Variants in BICC1 observed in about 807,000 individuals in gnomAD.
BICC1 encodes protein bicaudal C homolog 1.
BICC1 carries 43 observed loss-of-function variants against 111.0 expected under a neutral mutation model. The ratio of observed to expected loss-of-function variants is 0.39; its 90% CI spans 0.30 to 0.50. The LOEUF (loss-of-function observed/expected upper bound fraction) is 0.50. Among genes scored for constraint, BICC1 ranks in the 20% least tolerant of loss-of-function variants. The probability of loss-of-function intolerance (pLI) is 0.88; values close to 1 mark genes in which losing one functional copy is unlikely to be tolerated. For synonymous variants in BICC1, 467 were observed against 434.4 expected (o/e 1.07, Z -0.93); for missense variants, 1,091 against 1,203.2 (o/e 0.91, Z 1.38).
At chr10:58,709,803 T>G (rs1840516796) in intron 3 of BICC1, among the ~76,000 whole-genome samples, 1 of 152,208 alleles carries the variant, frequency 6.6e-6, no homozygotes, top group African/African-American at 2.4e-5. Context: ...TGAATAGTCC[T>G]AATGATGACT....
At position 58,790,430 on chromosome 10, in the gene BICC1, C is replaced by T. The variant is rs142256216; in HGVS notation, c.1047+497C>T. On this transcript the variant is annotated intron_variant, in intron 8 of 20. Transcript: ENST00000373886. ...ATACTATTTAAGTCACAAATTCGAG[C>T]GTCACTTATTGAAGGAAGAAAAGCA... Among the ~76,000 whole-genome samples the T allele has an allele frequency of 2.2e-4, 33 of 152,240 alleles. No individual in the cohort carries two copies. The East Asian group carries it at 4.4e-3, about 20-fold the overall frequency.
chr10:58,823,696 A>G, intron 20 of BICC1: 1 of 985,274 alleles, frequency 1.0e-6, no homozygotes, highest in Non-Finnish European at 1.2e-6. Flanking sequence ...CTTTGCTGTA[A>G]AGTGGGAATG....
intron 1 of BICC1, among the ~76,000 whole-genome samples, chr10:58,513,670 G>A (rs7078900): frequency 0.5 from 76,525 of 152,100 alleles, 19,612 homozygotes; most frequent in African/African-American, 0.58. Context: ...GTGCCATCCG[G>A]ACCACTCGGG....
At chr10:58,626,034 T>G (rs183376860) in intron 2 of BICC1, among the ~76,000 whole-genome samples, 1 of 152,358 alleles carries the variant, frequency 6.6e-6, no homozygotes, top group East Asian at 1.9e-4. Context: ...TTAATTTAAA[T>G]AAGATCCAGA....
At chr10:58,715,250 T>G (rs777864922) in intron 3 of BICC1, among the ~76,000 whole-genome samples, 10 of 152,184 alleles carry the variant, frequency 6.6e-5, no homozygotes, top group Admixed American at 6.5e-5. Flanking sequence ...AGGAGTTACA[T>G]TCCCTTTATA....
chr10:58,756,333 T>C (rs1304288229), intron 3 of BICC1, among the ~76,000 whole-genome samples: 1 of 152,150 alleles, frequency 6.6e-6, no homozygotes, highest in Non-Finnish European at 1.5e-5. Context: ...CTGTGTGAAA[T>C]GAAACTCGCT....
chr10:58,761,872 GCAA>G (rs1165409846), intron 3 of BICC1, among the ~76,000 whole-genome samples: 2 of 152,012 alleles, frequency 1.3e-5, no homozygotes, highest in Non-Finnish European at 2.9e-5. Context: ...ATGAATAAAA[GCAA>G]CCACTTGCAT....
intron 3 of BICC1, among the ~76,000 whole-genome samples, chr10:58,759,510 C>T (rs1372996117): frequency 6.6e-6 from 1 of 152,024 alleles, no homozygotes; most frequent in Non-Finnish European, 1.5e-5. Flanking sequence ...TGGCATAAAA[C>T]ATTCTTTACT....
At chr10:58,565,917 A>G (rs1386292902) in intron 1 of BICC1, among the ~76,000 whole-genome samples, 1 of 152,130 alleles carries the variant, frequency 6.6e-6, no homozygotes, top group East Asian at 1.9e-4. Flanking sequence ...CACCTTACCC[A>G]AGCACTGCAC....
chr10:58,594,036 C>T (rs1047868924), intron 1 of BICC1, among the ~76,000 whole-genome samples: 8 of 151,750 alleles, frequency 5.3e-5, no homozygotes, highest in African/African-American at 1.9e-4. Context: ...CATAAATGAC[C>T]TGCTGGAGCT....
intron 2 of BICC1, among the ~76,000 whole-genome samples, chr10:58,672,691 C>T (rs528393635): frequency 2.0e-5 from 3 of 152,224 alleles, no homozygotes; most frequent in East Asian, 1.9e-4. Context: ...ATCCTTTCCC[C>T]GGTGGGAAAT....
intron 2 of BICC1, among the ~76,000 whole-genome samples, chr10:58,675,705 GTTAA>G (rs1229262836): frequency 6.6e-6 from 1 of 152,188 alleles, no homozygotes; most frequent in East Asian, 1.9e-4. Context: ...CGATGGATGT[GTTAA>G]TTAATTAGAT....
intron 19 of BICC1, among the ~76,000 whole-genome samples, chr10:58,818,035 A>C (rs144919502): frequency 7.9e-5 from 12 of 152,326 alleles, no homozygotes; most frequent in Non-Finnish European, 7.4e-5. Context: ...CCTTAAGGTC[A>C]GCAACAAGTC....
chr10:58,743,836 T>C (rs941045844), intron 3 of BICC1, among the ~76,000 whole-genome samples: 1 of 151,852 alleles, frequency 6.6e-6, no homozygotes, highest in African/African-American at 2.4e-5. Context: ...AAATGGTTAC[T>C]GCAGGTTTGA....
intron 3 of BICC1, among the ~76,000 whole-genome samples, chr10:58,760,210 C>G (rs1842272234): frequency 6.6e-6 from 1 of 152,114 alleles, no homozygotes; most frequent in Non-Finnish European, 1.5e-5. Flanking sequence ...ATGATTTTCT[C>G]AGGCAACTCT....
chr10:58,636,621 C>T (rs1837962096), intron 2 of BICC1, among the ~76,000 whole-genome samples: 1 of 151,964 alleles, frequency 6.6e-6, no homozygotes, highest in African/African-American at 2.4e-5. Context: ...TTTCCTTCCC[C>T]AATTCATGCC....
At chr10:58,648,078 C>T (rs1298188683) in intron 2 of BICC1, among the ~76,000 whole-genome samples, 1 of 152,028 alleles carries the variant, frequency 6.6e-6, no homozygotes, top group East Asian at 1.9e-4. Flanking sequence ...AAAAGATTTT[C>T]GGAAATACAC....
intron 2 of BICC1, among the ~76,000 whole-genome samples, chr10:58,654,623 T>C (rs1389630436): frequency 2.3e-5 from 2 of 88,064 alleles, no homozygotes; most frequent in Non-Finnish European, 4.8e-5. Flanking sequence ...TTTCTCCCAT[T>C]TTGTAGGTTG....
At chr10:58,575,985 A>G (rs1057297566) in intron 1 of BICC1, among the ~76,000 whole-genome samples, 2 of 152,210 alleles carry the variant, frequency 1.3e-5, no homozygotes, top group Non-Finnish European at 2.9e-5. Context: ...ATAATATTTT[A>G]CAATTTTTTG....
Sources: gnomAD v4.1 joint callset for allele counts (sites outside exome capture counted in the v4.1 genomes callset) on GRCh38, gnomAD v4.1.1 for gene constraint, MANE v1.5 for transcripts, NCBI Gene and HGNC (gene_info 2026-07-23, HGNC 2026-07-21) for gene names.